ATP2B2: variants seen among roughly 807,000 people sequenced by gnomAD.
ATP2B2 encodes the protein ATPase plasma membrane Ca2+ transporting 2.
Under a neutral mutation model 120.0 loss-of-function variants are expected in ATP2B2, and 15 were observed. The observed-to-expected ratio is 0.12, with a 90% CI of 0.08 to 0.19. The LOEUF (loss-of-function observed/expected upper bound fraction) is 0.19. Ranked by LOEUF, ATP2B2 falls within the 10% of genes least tolerant of loss-of-function variation. The pLI, the probability that ATP2B2 is intolerant of heterozygous loss-of-function variation, is 1.00. For synonymous variants in ATP2B2, 694 were observed against 700.3 expected (o/e 0.99, Z 0.14); for missense variants, 1,045 against 1,719.8 (o/e 0.61, Z 6.94).
In ATP2B2 at chr3:10,375,537, C is replaced by T. The variant is rs747675057; in HGVS notation, c.1309G>A (p.Val437Met). 8.7e-6 allele frequency: 14 copies of T among 1,613,694 alleles called. No homozygotes were observed. In the East Asian group the frequency reaches 8.9e-5, roughly 10 times the overall value. The change falls in exon 11 of 23, where the codon GTG (valine) becomes ATG (methionine). Residue 437 changes from valine (V) to methionine (M), a missense_variant. Val to Met is a conservative substitution (Grantham distance 21). Transcript: ENST00000360273. This position sits in a 1 kb window ranked among gnomAD's most constrained non-coding sequence, Gnocchi z 4.2. ...ATGAAGAACTTGACAAAGTACTGCA[C>T]GTAGACGGGCGTGCACTCAGGCAGC... is the stretch of plus-strand genomic sequence containing the variant. The part of the protein sequence containing the change: ...PWLPECTPVY[V>M]QYFVKFFIIG...
In ATP2B2 at chr3:10,425,784, A is replaced by G. The variant is rs557804255; in HGVS notation, c.200-14969T>C. 2.0e-5 allele frequency among the ~76,000 whole-genome samples: 3 copies of G among 152,190 alleles called. No individual in the cohort carries two copies. In the South Asian group the frequency reaches 6.2e-4, roughly 32 times the overall value. On this transcript the variant is annotated intron_variant, in intron 2 of 22. Transcript: ENST00000360273. ...CTGGTCCAGGCCACCATCCTTGCTC[A>G]CCTGGATGGCCTCAGCAGCCACCTT... is the stretch of plus-strand genomic sequence containing the variant.
At chr3:10,422,396 T>C (rs2125068392) in intron 2 of ATP2B2, among the ~76,000 whole-genome samples, 1 of 152,302 alleles carries the variant, frequency 6.6e-6, no homozygotes, top group Non-Finnish European at 1.5e-5. Flanking sequence ...TGGTGTGCAT[T>C]GCAGGCATGT....
chr3:10,425,947 A>G (rs517453), intron 2 of ATP2B2, among the ~76,000 whole-genome samples: 84,657 of 151,984 alleles, frequency 0.56, 23,961 homozygotes, highest in East Asian at 0.72. Flanking sequence ...GCAGGCAGAG[A>G]AAATCCATTA....
Position 10,375,572 on chromosome 3 carries a change from T to C in ATP2B2, c.1274A>G (p.Lys425Arg). 6.2e-7 allele frequency: 1 copy of C among 1,613,810 alleles called. No individual in the cohort carries two copies. The highest frequency in any genetic ancestry group is 2.2e-5 in the East Asian group (1 of 44,888). ...CGTGCACTCAGGCAGCCACGGCTTC[T>C]TGTTGACCACGAAGGTGTCCACAGT... ...YFTVDTFVVN[K>R]KPWLPECTPV... The change falls in exon 11 of 23, where the codon AAG (lysine) becomes AGG (arginine). Residue 425 changes from lysine (K) to arginine (R), a missense_variant. Physicochemically the swap from Lys to Arg is conservative, Grantham distance 26. Coordinates refer to ENST00000360273, the MANE Select transcript of ATP2B2 (RefSeq NM_001001331.4). The surrounding 1 kb of genome is among the most constrained non-coding windows in gnomAD (Gnocchi z 4.2).
At chr3:10,484,529 C>T (rs1034517047) in intron 1 of ATP2B2, among the ~76,000 whole-genome samples, 1 of 152,146 alleles carries the variant, frequency 6.6e-6, no homozygotes, top group Non-Finnish European at 1.5e-5. Flanking sequence ...TGCCACCACC[C>T]CTCTGCCTGT....
intron 2 of ATP2B2, among the ~76,000 whole-genome samples, chr3:10,549,185 T>C (rs1284965475): frequency 4.6e-5 from 7 of 152,198 alleles, no homozygotes; most frequent in African/African-American, 1.4e-4. Context: ...GCCTGAGCCA[T>C]GTGGCTTCCT....
intron 2 of ATP2B2, among the ~76,000 whole-genome samples, chr3:10,601,209 T>G (rs2068909051): frequency 6.6e-6 from 1 of 151,716 alleles, no homozygotes; most frequent in African/African-American, 2.4e-5. Flanking sequence ...GAAGAAGGAG[T>G]CCCCAGAGGC....
At chr3:10,496,502 C>T (rs960198021) in intron 1 of ATP2B2, among the ~76,000 whole-genome samples, 17 of 152,178 alleles carry the variant, frequency 1.1e-4, no homozygotes, top group African/African-American at 3.9e-4. Context: ...CAGTTCATGC[C>T]CCACATCCCC....
chr3:10,430,523 A>C (rs2063283247), intron 2 of ATP2B2, among the ~76,000 whole-genome samples: 1 of 152,162 alleles, frequency 6.6e-6, no homozygotes, highest in African/African-American at 2.4e-5. Context: ...GAGAATTCTT[A>C]ACTTGTTCAT....
At chr3:10,625,130 G>T (rs2069659468) in intron 1 of ATP2B2, among the ~76,000 whole-genome samples, 1 of 152,256 alleles carries the variant, frequency 6.6e-6, no homozygotes, top group Non-Finnish European at 1.5e-5. Context: ...ACTCAGAGGT[G>T]AGGACGTGGT....
At chr3:10,689,419 A>G (rs916966474) in intron 1 of ATP2B2, among the ~76,000 whole-genome samples, 1 of 152,208 alleles carries the variant, frequency 6.6e-6, no homozygotes, top group Non-Finnish European at 1.5e-5. Flanking sequence ...CCTCCTGTCC[A>G]AATAGAATAA....
chr3:10,354,333 T>C (rs922251072), intron 14 of ATP2B2, among the ~76,000 whole-genome samples: 27 of 152,182 alleles, frequency 1.8e-4, no homozygotes, highest in Admixed American at 1.8e-3. Context: ...TGAAATATGC[T>C]TCCCACATCG....
chr3:10,683,768 A>ATATATATATG (rs2071446454), intron 1 of ATP2B2, among the ~76,000 whole-genome samples: 1 of 64,230 alleles, frequency 1.6e-5, no homozygotes, highest in Non-Finnish European at 2.7e-5. Context: ...GTGTATATAT[A>ATATATATATG]TATATATATA....
chr3:10,381,913 C>T (rs1052954977), intron 8 of ATP2B2, among the ~76,000 whole-genome samples: 1 of 152,178 alleles, frequency 6.6e-6, no homozygotes, highest in Non-Finnish European at 1.5e-5. Flanking sequence ...GAGACCACTA[C>T]CTGGGAGACT....
At chr3:10,508,598 C>T (rs2066695650), upstream of ATP2B2, among the ~76,000 whole-genome samples, 1 of 152,220 alleles carries the variant, frequency 6.6e-6, no homozygotes, top group South Asian at 2.1e-4. Flanking sequence ...TGCCTAAGGT[C>T]ATTCTTGAGG....
At chr3:10,395,067 C>A (rs1195206541) in intron 5 of ATP2B2, among the ~76,000 whole-genome samples, 1 of 152,212 alleles carries the variant, frequency 6.6e-6, no homozygotes, top group East Asian at 1.9e-4. Flanking sequence ...TCCCCAGCTG[C>A]AAATTGGGAT....
intron 1 of ATP2B2, among the ~76,000 whole-genome samples, chr3:10,472,294 C>T (rs1048199355): frequency 6.6e-5 from 10 of 152,140 alleles, no homozygotes; most frequent in African/African-American, 2.2e-4. Context: ...GGTCAAGGCA[C>T]TGGTTCAGAA....
At chr3:10,337,597 C>T (rs985438182) in intron 22 of ATP2B2, among the ~76,000 whole-genome samples, 4 of 152,268 alleles carry the variant, frequency 2.6e-5, no homozygotes, top group Admixed American at 6.5e-5. Context: ...TGGCTGGCTA[C>T]GCCCTGCACC....
At position 10,346,880 on chromosome 3, in the gene ATP2B2, A is replaced by G. The variant is rs1167375986; in HGVS notation, c.2405-743T>C. The stretch of plus-strand genomic sequence containing the variant: ...CATTCTGCACATTGAATGTATCACC[A>G]AGGCCTGCCAATTCTGGCTCCAAAA... On this transcript the variant is annotated intron_variant, in intron 16 of 22. Transcript: ENST00000360273. The surrounding 1 kb of genome is among the most constrained non-coding windows in gnomAD (Gnocchi z 4.1). Among the ~76,000 whole-genome samples, 3 of 152,002 alleles carry G rather than the reference A, an allele frequency of 2.0e-5. No individual in the cohort carries two copies. Among genetic ancestry groups the G allele is most frequent in the African/African-American group, 7.3e-5 (3 of 41,356 alleles).
Sources: allele counts gnomAD v4.1 joint callset (sites outside exome capture counted in the v4.1 genomes callset), GRCh38; gene constraint gnomAD v4.1.1; non-coding constraint Gnocchi (gnomAD v3.1); transcripts MANE v1.5; gene names NCBI Gene and HGNC (gene_info 2026-07-23, HGNC 2026-07-21).